The following TOX2 variants were observed in gnomAD, a reference collection of about 807,000 sequenced individuals.
The protein encoded by TOX2 is TOX high mobility group box family member 2, also known as granulosa cell HMG box 1.
TOX2 carries 15 observed loss-of-function variants against 47.4 expected under a neutral mutation model. The ratio of observed to expected loss-of-function variants is 0.32; its 90% CI spans 0.21 to 0.49. The LOEUF is 0.49. Ranked by LOEUF, TOX2 falls within the 20% of genes least tolerant of loss-of-function variation. The probability of loss-of-function intolerance (pLI) is 0.99; values close to 1 mark genes in which losing one functional copy is unlikely to be tolerated. For missense variants in TOX2, 622 were observed against 673.1 expected, an observed-to-expected ratio of 0.92 and a Z score of 0.84; for synonymous variants, 290 against 296.6, an observed-to-expected ratio of 0.98 and a Z score of 0.23.
chr20:44,047,483 T>A (rs2071428007), intron 3 of TOX2, among the ~76,000 whole-genome samples: 1 of 3,650 alleles, frequency 2.7e-4, no homozygotes, highest in Non-Finnish European at 3.7e-4. Context: ...TGTCAAATTT[T>A]TTTAACATCT....
At chr20:43,924,277 G>C (rs1335209306) in intron 1 of TOX2, among the ~76,000 whole-genome samples, 1 of 152,220 alleles carries the variant, frequency 6.6e-6, no homozygotes, top group Non-Finnish European at 1.5e-5. Flanking sequence ...AAGTGAGAGA[G>C]ATGTGTCATC....
chr20:43,967,618 C>T (rs577343242), intron 1 of TOX2, among the ~76,000 whole-genome samples: 2 of 152,230 alleles, frequency 1.3e-5, no homozygotes, highest in Non-Finnish European at 2.9e-5. Flanking sequence ...CCTATCCATT[C>T]ATCCACTCCT....
intron 5 of TOX2, among the ~76,000 whole-genome samples, chr20:44,058,272 G>A (rs1413767829): frequency 6.6e-6 from 1 of 152,192 alleles, no homozygotes; most frequent in Non-Finnish European, 1.5e-5. Flanking sequence ...TGCTGTTGGG[G>A]GTGCATGGTG....
chr20:44,059,843 T>C (rs1210939876), intron 5 of TOX2, among the ~76,000 whole-genome samples: 1 of 152,094 alleles, frequency 6.6e-6, no homozygotes, highest in Non-Finnish European at 1.5e-5. Flanking sequence ...AATAACACAA[T>C]TTTTTAAAAA....
chr20:43,921,095 A>G (rs1044546337), intron 1 of TOX2, among the ~76,000 whole-genome samples: 5 of 152,104 alleles, frequency 3.3e-5, no homozygotes, highest in Non-Finnish European at 5.9e-5. Context: ...CCAGGGCAGG[A>G]CCCCGCAGAG....
chr20:44,065,833 T>C lies in TOX2; in HGVS notation c.1082T>C (p.Leu361Pro). 4 of 1,613,868 alleles carry C rather than the reference T, an allele frequency of 2.5e-6. No homozygotes were observed. The highest frequency in any genetic ancestry group is 2.5e-6 in the Non-Finnish European group (3 of 1,179,770). ...GLASFLTPSD[L>P]QAFRSGASPA... is the part of the protein sequence containing the mutation. Reference sequence around the variant, plus strand: ...GCCTCCTTCCTGACGCCGTCGGACCTGCAGGCCTTCCGCAGTGGGGCCTCC... The same window carrying C: ...GCCTCCTTCCTGACGCCGTCGGACCCGCAGGCCTTCCGCAGTGGGGCCTCC... Residue 361 changes from leucine to proline, a missense_variant, in exon 7 of 9, where the codon CTG (leucine) becomes CCG (proline). Leu to Pro is a moderately conservative substitution (Grantham distance 98, BLOSUM62 -3). Coordinates refer to ENST00000341197, the MANE Select transcript of TOX2 (RefSeq NM_001098797.2).
At chr20:44,022,798 G>A (rs759663206) in intron 3 of TOX2, among the ~76,000 whole-genome samples, 9 of 152,148 alleles carry the variant, frequency 5.9e-5, no homozygotes, top group Non-Finnish European at 1.0e-4. Context: ...ACCTGCCTTC[G>A]TTAGAAATTA....
Position 44,026,340 on chromosome 20 carries a change from TA to T in TOX2, c.411+19549del, listed in dbSNP as rs367589703. On this transcript the variant is annotated intron_variant, in intron 3 of 8. Coordinates refer to ENST00000341197, the MANE Select transcript of TOX2 (RefSeq NM_001098797.2). ...CAACCTGGGTGTGATTGGAGACTAT[TA>T]TTCTAAGTGAAGTAACTCAGGAATG... is the stretch of plus-strand genomic sequence containing the variant. 2.8e-3 allele frequency among the ~76,000 whole-genome samples: 422 copies of T among 149,668 alleles called. 2 individuals are homozygous for T. Among genetic ancestry groups the T allele is most frequent in the African/African-American group, 9.6e-3 (386 of 40,388 alleles).
chr20:44,050,042 T>C (rs904691858), intron 3 of TOX2, among the ~76,000 whole-genome samples: 16 of 152,224 alleles, frequency 1.1e-4, no homozygotes, highest in African/African-American at 3.9e-4. Flanking sequence ...ATTCCAGAAG[T>C]CTTCTTGAAC....
At chr20:43,960,902 G>A (rs1386648051) in intron 1 of TOX2, among the ~76,000 whole-genome samples, 1 of 152,210 alleles carries the variant, frequency 6.6e-6, no homozygotes, top group Non-Finnish European at 1.5e-5. Flanking sequence ...GGGCTCAGAG[G>A]GCATCACCCA....
chr20:43,966,780 C>G (rs2069861866), intron 1 of TOX2, among the ~76,000 whole-genome samples: 1 of 150,534 alleles, frequency 6.6e-6, no homozygotes, highest in Non-Finnish European at 1.5e-5. Flanking sequence ...AGTGGGGGCA[C>G]TGGAGGCTCC....
At chr20:44,052,564 G>A (rs369464220) in intron 4 of TOX2, among the ~76,000 whole-genome samples, 2 of 152,138 alleles carry the variant, frequency 1.3e-5, no homozygotes, top group Non-Finnish European at 2.9e-5. Context: ...AGGATGACTC[G>A]ACCTCTATTA....
chr20:44,048,850 C>G (rs1056729527), intron 3 of TOX2, among the ~76,000 whole-genome samples: 1 of 152,098 alleles, frequency 6.6e-6, no homozygotes, highest in Non-Finnish European at 1.5e-5. Flanking sequence ...AAACCAATAT[C>G]AGGGCCAGGT....
intron 2 of TOX2, among the ~76,000 whole-genome samples, chr20:43,984,979 A>G (rs1333051438): frequency 6.6e-6 from 1 of 152,092 alleles, no homozygotes; most frequent in East Asian, 1.9e-4. Flanking sequence ...AGGGTCAGAG[A>G]ATGAAGATTT....
chr20:43,986,285 A>ATGTATGTATGTATGTG (rs1555836350), intron 2 of TOX2, among the ~76,000 whole-genome samples: 5,472 of 151,496 alleles, frequency 0.036, 133 homozygotes, highest in Non-Finnish European at 0.056. Flanking sequence ...GTATGTATGT[A>ATGTATGTATGTATGTG]TGTGTGTATT....
chr20:43,956,732 C>T (rs2069675429), intron 1 of TOX2, among the ~76,000 whole-genome samples: 1 of 152,204 alleles, frequency 6.6e-6, no homozygotes, highest in Non-Finnish European at 1.5e-5. Flanking sequence ...TTCCATTAGG[C>T]TGGAACCCGT....
chr20:44,010,876 A>C (rs2070767380), intron 3 of TOX2, among the ~76,000 whole-genome samples: 1 of 152,136 alleles, frequency 6.6e-6, no homozygotes, highest in Admixed American at 6.5e-5. Flanking sequence ...TTATTCTATC[A>C]CACCTCCAGA....
In TOX2 at chr20:43,975,826, A is replaced by G. The variant is rs78930534; in HGVS notation, c.165+2394A>G. 5.5e-3 allele frequency among the ~76,000 whole-genome samples: 840 copies of G among 152,182 alleles called. 8 individuals carry two copies. Among genetic ancestry groups the G allele is most frequent in the African/African-American group, 0.019 (793 of 41,508 alleles). On this transcript the variant is annotated intron_variant, in intron 2 of 8. Coordinates refer to ENST00000341197, the MANE Select transcript of TOX2 (RefSeq NM_001098797.2). ...GAAAGGATCTGGTCTCTCTGGTCCAATGCTGTGTATCCCAGTGGGGCATAG... is the reference window on the plus strand; with the variant it reads ...GAAAGGATCTGGTCTCTCTGGTCCAGTGCTGTGTATCCCAGTGGGGCATAG...
At position 43,916,045 on chromosome 20, in the gene TOX2, CTTAG is replaced by C. The variant is rs970399900; in HGVS notation, c.99+1060_99+1063del. 1.7e-4 allele frequency: 150 copies of C among 894,352 alleles called. No homozygotes were observed. Among genetic ancestry groups the C allele is most frequent in the Admixed American group, 4.9e-4 (8 of 16,188 alleles). The allele number at this position is 894,352 out of a possible 1,614,324, so 55.4% of individuals were successfully genotyped here. A position where few individuals can be genotyped will look rare whatever the true frequency, so the allele number is the denominator to read the frequency against. On this transcript the variant is annotated intron_variant, in intron 1 of 8. Transcript: ENST00000341197. This position sits in a 1 kb window ranked among gnomAD's most constrained non-coding sequence, Gnocchi z 5.0. ...GGTCGCCGGAGAGGGAACTTTCAAACTTAGTTAGGAAGCCAGACTGTCCGCGCGT... is the reference window on the plus strand; with the variant it reads ...GGTCGCCGGAGAGGGAACTTTCAAACTTAGGAAGCCAGACTGTCCGCGCGT...
Sources: allele counts gnomAD v4.1 joint callset (sites outside exome capture counted in the v4.1 genomes callset), GRCh38; gene constraint gnomAD v4.1.1; non-coding constraint Gnocchi (gnomAD v3.1); transcripts MANE v1.5; gene names NCBI Gene and HGNC (gene_info 2026-07-23, HGNC 2026-07-21).